KCTD2: variants seen among roughly 807,000 people sequenced by gnomAD.
KCTD2 encodes BTB/POZ domain-containing protein KCTD2.
In KCTD2, 18 loss-of-function variants were observed where a neutral mutation model predicts 27.9. The observed-to-expected ratio is 0.64, with a 90% CI of 0.45 to 0.96. KCTD2 has a LOEUF of 0.96. Ranked by LOEUF, KCTD2 falls within the 40% of genes least tolerant of loss-of-function variation. The pLI is 0.00. For missense variants in KCTD2, 280 were observed against 348.0 expected (o/e 0.80, Z 1.56); for synonymous variants, 175 against 148.4 (o/e 1.18, Z -1.30).
At chr17:75,062,977 C>G (rs1567995394) in intron 5 of KCTD2, 41 bp from the exon 6 acceptor site, 2 of 1,609,970 alleles carry the variant, frequency 1.2e-6, no homozygotes, top group Non-Finnish European at 1.7e-6. Context: ...CTCTGTCTTT[C>G]CCTCAGCAGC....
upstream of KCTD2, among the ~76,000 whole-genome samples, chr17:75,046,048 G>A (rs1311270009): frequency 6.6e-6 from 1 of 152,190 alleles, no homozygotes; most frequent in African/African-American, 2.4e-5. Flanking sequence ...CTGATTTCCC[G>A]CAACATCAGT....
intron 2 of KCTD2, among the ~76,000 whole-genome samples, chr17:75,051,035 G>A (rs569554169): frequency 5.4e-5 from 8 of 147,014 alleles, no homozygotes; most frequent in Non-Finnish European, 9.0e-5. Flanking sequence ...GTGCAGTGGC[G>A]CAATCTCGGC....
At chr17:75,034,958 G>A (rs554909752) in intron 2 of KCTD2, among the ~76,000 whole-genome samples, 2 of 152,214 alleles carry the variant, frequency 1.3e-5, no homozygotes, top group South Asian at 4.1e-4. Context: ...TCCAGGTGCC[G>A]CTCCGCTCGG....
intron 2 of KCTD2, among the ~76,000 whole-genome samples, chr17:75,035,024 G>C (rs1247054187): frequency 6.6e-6 from 1 of 152,152 alleles, no homozygotes; most frequent in Admixed American, 6.5e-5. Flanking sequence ...CGCTCAACAG[G>C]CGGCCAGGGT....
intron 2 of KCTD2, among the ~76,000 whole-genome samples, chr17:75,050,934 T>G (rs529753822): frequency 3.8e-4 from 58 of 151,768 alleles, no homozygotes; most frequent in Non-Finnish European, 6.5e-4. Flanking sequence ...TGCCTCAGCC[T>G]CCTGAGTAGC....
In KCTD2 at chr17:75,063,372, G is replaced by T; in HGVS notation, c.*325G>T. The stretch of plus-strand genomic sequence containing the variant: ...GGGATCTGGGGGATGAGGGCGGAAG[G>T]CCTAGCTCCTTGGAAATGGCCTGTA... On this transcript the variant is annotated 3_prime_UTR_variant, in exon 6 of 6. Coordinates refer to ENST00000322444, the MANE Select transcript of KCTD2 (RefSeq NM_015353.3). 5.3e-6 allele frequency: 2 copies of T among 377,174 alleles called. No homozygotes were observed. The highest frequency in any genetic ancestry group is 1.0e-5 in the Non-Finnish European group (2 of 200,994). 23.4% of individuals were successfully genotyped at this position (377,174 alleles called of 1,614,324 possible). A position where few individuals can be genotyped will look rare whatever the true frequency, so the allele number is the denominator to read the frequency against.
At chr17:75,052,242 CAA>C (rs547405767) in intron 2 of KCTD2, among the ~76,000 whole-genome samples, 152 of 152,252 alleles carry the variant, frequency 1.0e-3, no homozygotes, top group African/African-American at 3.5e-3. Context: ...CCGAAAATAG[CAA>C]AGAGATATTT....
upstream of KCTD2, among the ~76,000 whole-genome samples, chr17:75,046,684 G>A (rs140173009): frequency 0.014 from 2,143 of 152,352 alleles, 34 homozygotes; most frequent in Non-Finnish European, 0.021. Flanking sequence ...GCTTGTGGCA[G>A]CGCCTACATC....
intron 2 of KCTD2, among the ~76,000 whole-genome samples, chr17:75,035,065 G>GTTTAA (rs775901861): frequency 1.3e-5 from 2 of 151,962 alleles, no homozygotes; most frequent in Non-Finnish European, 2.9e-5. Context: ...ACGCCGGAGC[G>GTTTAA]TTTAATGGCC....
At chr17:75,062,529 G>T (rs117259305) in intron 5 of KCTD2, among the ~76,000 whole-genome samples, 1 of 152,028 alleles carries the variant, frequency 6.6e-6, no homozygotes, top group Non-Finnish European at 1.5e-5. Flanking sequence ...TTACTACAGG[G>T]TAGGATTTCT....
chr17:75,051,451 A>AT (rs1435623904), intron 2 of KCTD2, among the ~76,000 whole-genome samples: 2 of 151,082 alleles, frequency 1.3e-5, no homozygotes, highest in Admixed American at 6.6e-5. Flanking sequence ...CGCCTGGCTA[A>AT]TTTTTTTATT....
At chr17:75,043,570 G>A (rs1325488271), upstream of KCTD2, among the ~76,000 whole-genome samples, 6 of 140,798 alleles carry the variant, frequency 4.3e-5, no homozygotes, top group Non-Finnish European at 9.0e-5. Context: ...CTGAGATAGC[G>A]CCATTGCACT....
At chr17:75,036,678 T>C (rs994896091) in intron 3 of KCTD2, among the ~76,000 whole-genome samples, 31 of 152,376 alleles carry the variant, frequency 2.0e-4, no homozygotes, top group Middle Eastern at 3.4e-3. Flanking sequence ...GCTCTAACTA[T>C]GCTCCAAGTA....
chr17:75,057,181 T>G (rs1442941676), intron 3 of KCTD2, among the ~76,000 whole-genome samples: 2 of 152,082 alleles, frequency 1.3e-5, no homozygotes, highest in Non-Finnish European at 2.9e-5. Context: ...CTCAAACTCT[T>G]GATCTTAGGC....
At chr17:75,046,519 C>T (rs1002433252), upstream of KCTD2, among the ~76,000 whole-genome samples, 4 of 152,240 alleles carry the variant, frequency 2.6e-5, no homozygotes, top group Non-Finnish European at 5.9e-5. Context: ...ACGCTCTATA[C>T]GTTCGAATCC....
At chr17:75,036,243 A>C (rs895707668) in intron 3 of KCTD2, among the ~76,000 whole-genome samples, 2 of 151,796 alleles carry the variant, frequency 1.3e-5, no homozygotes, top group African/African-American at 4.8e-5. Context: ...TGTCTGCAGC[A>C]GACAAACAAG....
At chr17:75,058,396 C>T (rs1330590959) in intron 3 of KCTD2, among the ~76,000 whole-genome samples, 2 of 151,308 alleles carry the variant, frequency 1.3e-5, no homozygotes, top group African/African-American at 4.9e-5. Flanking sequence ...CCCAGCTACT[C>T]GGGAGGCTGA....
chr17:75,060,198 CAT>C (rs1374673202), intron 4 of KCTD2, among the ~76,000 whole-genome samples: 3 of 151,980 alleles, frequency 2.0e-5, no homozygotes, highest in Non-Finnish European at 1.5e-5. Flanking sequence ...GCCTTCAAAA[CAT>C]AGGAAGGCCA....
chr17:75,060,765 T>A, intron 4 of KCTD2: 1 of 615,324 alleles, frequency 1.6e-6, no homozygotes, highest in Non-Finnish European at 2.7e-6. Flanking sequence ...GGATTATGCC[T>A]ACTTATGTGT....
Sources: gnomAD v4.1 joint callset for allele counts (sites outside exome capture counted in the v4.1 genomes callset) on GRCh38, gnomAD v4.1.1 for gene constraint, MANE v1.5 for transcripts, NCBI Gene and HGNC (gene_info 2026-07-23, HGNC 2026-07-21) for gene names.